The following DSCAML1 variants were observed in gnomAD, a reference collection of about 807,000 sequenced individuals.
The protein encoded by DSCAML1 is cell adhesion molecule DSCAML1.
In DSCAML1, 38 loss-of-function variants were observed where a neutral mutation model predicts 200.5. That is an observed-to-expected ratio of 0.19 (90% CI 0.15 to 0.25). DSCAML1 has a LOEUF of 0.25. Ranked by LOEUF, DSCAML1 falls within the 10% of genes least tolerant of loss-of-function variation. The probability of loss-of-function intolerance (pLI) is 1.00; values close to 1 mark genes in which losing one functional copy is unlikely to be tolerated. For synonymous variants in DSCAML1, 1,215 were observed against 1,165.0 expected (o/e 1.04, Z -0.87); for missense variants, 2,223 against 2,858.8 (o/e 0.78, Z 5.07).
chr11:117,771,441 C>T (rs1468501390), intron 3 of DSCAML1, among the ~76,000 whole-genome samples: 1 of 152,196 alleles, frequency 6.6e-6, no homozygotes, highest in African/African-American at 2.4e-5. Flanking sequence ...GGTCTTTAAG[C>T]TGGAGATCTG....
intron 3 of DSCAML1, among the ~76,000 whole-genome samples, chr11:117,756,763 C>T (rs1013324078): frequency 2.3e-4 from 35 of 151,980 alleles, no homozygotes; most frequent in Admixed American, 1.4e-3. Context: ...GGAAACAGCA[C>T]GTTCAGACCA....
intron 3 of DSCAML1, among the ~76,000 whole-genome samples, chr11:117,691,219 C>A (rs1261899607): frequency 1.3e-5 from 2 of 152,132 alleles, no homozygotes; most frequent in African/African-American, 4.8e-5. Flanking sequence ...AGCTTCTCTG[C>A]ACACGGGGAT....
chr11:117,607,514 A>G (rs1385212948), intron 3 of DSCAML1, among the ~76,000 whole-genome samples: 1 of 152,226 alleles, frequency 6.6e-6, no homozygotes, highest in Non-Finnish European at 1.5e-5. Flanking sequence ...CAGATGGTTC[A>G]AAAGCAGAGC....
chr11:117,686,286 C>T (rs766653192), intron 3 of DSCAML1, among the ~76,000 whole-genome samples: 2 of 152,196 alleles, frequency 1.3e-5, no homozygotes, highest in African/African-American at 2.4e-5. Flanking sequence ...GGCAGAGGTG[C>T]GGTCAAGTGC....
intron 8 of DSCAML1, among the ~76,000 whole-genome samples, chr11:117,512,851 CTG>C (rs924194722): frequency 6.6e-6 from 1 of 151,836 alleles, no homozygotes; most frequent in Non-Finnish European, 1.5e-5. Flanking sequence ...TGCAGAGACA[CTG>C]TCGCTCAGCA....
At chr11:117,586,291 A>C (rs2051140236) in intron 3 of DSCAML1, among the ~76,000 whole-genome samples, 1 of 124,188 alleles carries the variant, frequency 8.1e-6, no homozygotes, top group Non-Finnish European at 1.7e-5. Context: ...CTTGCACTCT[A>C]TGGGAGGGTG....
intron 14 of DSCAML1, among the ~76,000 whole-genome samples, chr11:117,477,349 AGT>A (rs5795087): frequency 0.055 from 7,768 of 140,050 alleles, 179 homozygotes; most frequent in Middle Eastern, 0.084. Context: ...TGGTTCTGAA[AGT>A]GTGTGTGTGT....
rs1446032817 is a variant in DSCAML1 at position 117,498,949 on chromosome 11, A to G, written c.2359+4896T>C. Among the ~76,000 whole-genome samples, 2 of 152,194 alleles carry G rather than the reference A, an allele frequency of 1.3e-5. No homozygotes were observed. The highest frequency in any genetic ancestry group is 2.4e-5 in the African/African-American group (1 of 41,440). ...ATCACTGGTGCCTTCGCAGAGTGGAAGAGAGTCTGGGAGGTCCAACGAGAC... is the reference window on the plus strand; with the variant it reads ...ATCACTGGTGCCTTCGCAGAGTGGAGGAGAGTCTGGGAGGTCCAACGAGAC... On this transcript the variant is annotated intron_variant, in intron 11 of 32. Transcript: ENST00000651296. The surrounding 1 kb of genome is among the most constrained non-coding windows in gnomAD (Gnocchi z 4.0).
At chr11:117,644,515 A>G (rs766535538) in intron 3 of DSCAML1, among the ~76,000 whole-genome samples, 5 of 152,230 alleles carry the variant, frequency 3.3e-5, no homozygotes, top group African/African-American at 9.6e-5. Context: ...ATTGAGCCCA[A>G]TTAGAAAGTT....
At chr11:117,743,548 C>G (rs2054461557) in intron 3 of DSCAML1, among the ~76,000 whole-genome samples, 2 of 152,282 alleles carry the variant, frequency 1.3e-5, no homozygotes, top group South Asian at 2.1e-4. Flanking sequence ...CGTCTGACAC[C>G]TTGGGGCCAC....
Position 117,505,354 on chromosome 11 carries a change from C to T in DSCAML1, c.2062+100G>A, listed in dbSNP as rs945723251. On this transcript the variant is annotated intron_variant, in intron 9 of 32. Transcript: ENST00000651296. The surrounding 1 kb of genome is among the most constrained non-coding windows in gnomAD (Gnocchi z 6.7). ...GGCCCTTCAAGATGCTGGAGCCCACCTTCCATGAGCCCGTGATTGGAACTG... is the reference window on the plus strand; with the variant it reads ...GGCCCTTCAAGATGCTGGAGCCCACTTTCCATGAGCCCGTGATTGGAACTG... 7.4e-6 allele frequency: 11 copies of T among 1,486,138 alleles called. No homozygotes were observed. Among genetic ancestry groups the T allele is most frequent in the Non-Finnish European group, 9.0e-6 (10 of 1,107,090 alleles). 92.1% of individuals were successfully genotyped at this position (1,486,138 alleles called of 1,614,324 possible).
chr11:117,703,949 C>T (rs1303293661), intron 3 of DSCAML1, among the ~76,000 whole-genome samples: 1 of 152,166 alleles, frequency 6.6e-6, no homozygotes, highest in Non-Finnish European at 1.5e-5. Flanking sequence ...TATTAATACC[C>T]ACAAGTAACA....
chr11:117,709,836 G>T (rs1300917632), intron 3 of DSCAML1: 1 of 452,708 alleles, frequency 2.2e-6, no homozygotes, highest in Non-Finnish European at 4.4e-6. Flanking sequence ...CTGGGACCGA[G>T]GGCAACCAAT....
chr11:117,536,162 TG>T (rs547437513), intron 3 of DSCAML1, among the ~76,000 whole-genome samples: 1 of 151,974 alleles, frequency 6.6e-6, no homozygotes, highest in African/African-American at 2.4e-5. Context: ...TTAGTCCCCT[TG>T]GGGGGGCTTG....
intron 3 of DSCAML1, among the ~76,000 whole-genome samples, chr11:117,773,827 G>T (rs1021792960): frequency 2.0e-5 from 3 of 152,114 alleles, no homozygotes; most frequent in Non-Finnish European, 4.4e-5. Flanking sequence ...GAATGATCTA[G>T]AATGATTATA....
intron 3 of DSCAML1, among the ~76,000 whole-genome samples, chr11:117,735,080 G>A (rs1470202208): frequency 6.6e-6 from 1 of 152,134 alleles, no homozygotes; most frequent in African/African-American, 2.4e-5. Context: ...TCCCTCGGGG[G>A]ACCAGACCAC....
At chr11:117,806,268 C>T (rs1412449172) in intron 1 of DSCAML1, among the ~76,000 whole-genome samples, 1 of 152,168 alleles carries the variant, frequency 6.6e-6, no homozygotes, top group Non-Finnish European at 1.5e-5. Context: ...GTGAGTTGGG[C>T]TTGAGCAATG....
chr11:117,484,722 C>T (rs968486986), intron 11 of DSCAML1, among the ~76,000 whole-genome samples: 1 of 152,182 alleles, frequency 6.6e-6, no homozygotes, highest in African/African-American at 2.4e-5. Context: ...ACTTGCATTG[C>T]AGATGCCTCC....
At chr11:117,429,081 G>C (rs1024569764) in intron 32 of DSCAML1, among the ~76,000 whole-genome samples, 16 of 152,310 alleles carry the variant, frequency 1.1e-4, no homozygotes, top group African/African-American at 1.4e-4. Flanking sequence ...ACAGTGGCTG[G>C]TGCAGATAAC....
Sources: allele counts gnomAD v4.1 joint callset (sites outside exome capture counted in the v4.1 genomes callset), GRCh38; gene constraint gnomAD v4.1.1; non-coding constraint Gnocchi (gnomAD v3.1); transcripts MANE v1.5; gene names NCBI Gene and HGNC (gene_info 2026-07-23, HGNC 2026-07-21).